The following FBN1 variants were observed in gnomAD, a reference collection of about 807,000 sequenced individuals.
The protein encoded by FBN1 is fibrillin 1.
A neutral mutation model predicts 365.1 loss-of-function variants in FBN1; 29 were observed. The observed-to-expected ratio is 0.08, with a 90% CI of 0.06 to 0.11. FBN1 has a LOEUF of 0.11. FBN1 is among the 10% of genes least tolerant of loss of function. FBN1 has a pLI of 1.00. For missense variants in FBN1, 2,476 were observed against 3,703.2 expected, an observed-to-expected ratio of 0.67 and a Z score of 8.60; for synonymous variants, 1,210 against 1,270.5, an observed-to-expected ratio of 0.95 and a Z score of 1.01.
intron 6 of FBN1, among the ~76,000 whole-genome samples, chr15:48,580,040 A>G (rs1040353759): frequency 4.6e-5 from 7 of 152,166 alleles, no homozygotes; most frequent in African/African-American, 7.2e-5. Flanking sequence ...CAGTTACTGA[A>G]GTTAAAAAAA....
chr15:48,423,197 A>G (rs2042956073), intron 60 of FBN1, among the ~76,000 whole-genome samples: 1 of 152,200 alleles, frequency 6.6e-6, no homozygotes. Context: ...TCAGGAAAAA[A>G]CATTAGTGAC....
intron 6 of FBN1, among the ~76,000 whole-genome samples, chr15:48,538,909 T>G (rs2044034752): frequency 6.6e-6 from 1 of 152,204 alleles, no homozygotes; most frequent in African/African-American, 2.4e-5. Flanking sequence ...TTTATGAAAA[T>G]CACTGGCTGT....
intron 49 of FBN1, among the ~76,000 whole-genome samples, chr15:48,442,718 G>A (rs1195041251): frequency 2.0e-5 from 3 of 152,092 alleles, no homozygotes; most frequent in Non-Finnish European, 2.9e-5. Context: ...AATTGGCTTG[G>A]GTTGGTCAAT....
intron 6 of FBN1, among the ~76,000 whole-genome samples, chr15:48,550,298 G>C (rs1485343108): frequency 1.3e-5 from 2 of 152,108 alleles, no homozygotes; most frequent in Non-Finnish European, 2.9e-5. Context: ...AAAGATGTCT[G>C]ATAGAAGCTT....
At position 48,410,864 on chromosome 15, in the gene FBN1, C is replaced by CTT. The variant is rs879588724; in HGVS notation, c.*124_*125dup. The CTT allele has an allele frequency of 1.2e-4, 121 of 981,424 alleles. No individual in the cohort carries two copies. Among genetic ancestry groups the CTT allele is most frequent in the Admixed American group, 1.0e-3 (42 of 41,244 alleles). The allele number at this position is 981,424 out of a possible 1,614,324, so 60.8% of individuals were successfully genotyped here. ...TGCTTTGGTAATACAAAGAATAGTG[C>CTT]TTATTTATACAAATTTACTTGGTGA... On this transcript the variant is annotated 3_prime_UTR_variant, in exon 66 of 66. Coordinates refer to ENST00000316623, the MANE Select transcript of FBN1 (RefSeq NM_000138.5).
intron 53 of FBN1, among the ~76,000 whole-genome samples, chr15:48,435,226 C>G (rs902902849): frequency 3.4e-4 from 52 of 152,042 alleles, no homozygotes; most frequent in African/African-American, 1.3e-3. Flanking sequence ...AATGACAGTG[C>G]CTGGACATAT....
Position 48,596,312 on chromosome 15 carries a change from T to C in FBN1, c.509A>G (p.Tyr170Cys), listed in dbSNP as rs1228647846. 1 of 1,613,928 alleles carries C rather than the reference T, an allele frequency of 6.2e-7. No homozygotes were observed. Among genetic ancestry groups the C allele is most frequent in the Non-Finnish European group, 8.5e-7 (1 of 1,179,898 alleles). Residue 170 changes from tyrosine (Y) to cysteine (C), a missense_variant, in exon 6 of 66, where the codon TAC (tyrosine) becomes TGC (cysteine). By Grantham distance (194) the Tyr-to-Cys change is radical. This residue lies in a region of FBN1 where 421 missense variants were observed against 520.1 expected (regional missense o/e 0.81). Coordinates refer to ENST00000316623, the MANE Select transcript of FBN1 (RefSeq NM_000138.5). ...CVAPNRCACT[Y>C]GFTGPQCERD... ...TTCACACTGGGGTCCAGTAAATCCG[T>C]AAGTGCATGCACATCGATTTGGGGC... is the stretch of plus-strand genomic sequence containing the variant.
chr15:48,449,211 C>T (rs183542611), intron 45 of FBN1, among the ~76,000 whole-genome samples: 1 of 152,174 alleles, frequency 6.6e-6, no homozygotes. Flanking sequence ...TACGCAGCAC[C>T]ACAGACTGTG....
intron 15 of FBN1, among the ~76,000 whole-genome samples, chr15:48,506,610 A>C (rs2043709950): frequency 2.0e-5 from 3 of 152,250 alleles, no homozygotes; most frequent in Non-Finnish European, 4.4e-5. Flanking sequence ...GGTCAAAGTT[A>C]GTGGCTTCAA....
At chr15:48,587,890 G>A (rs1267339493) in intron 6 of FBN1, among the ~76,000 whole-genome samples, 2 of 152,084 alleles carry the variant, frequency 1.3e-5, no homozygotes, top group African/African-American at 4.8e-5. Flanking sequence ...CTAAGACAGA[G>A]AACCTGAGAA....
chr15:48,495,967 T>C (rs374544999), intron 20 of FBN1, 133 bp downstream of exon 20: 2 of 1,172,722 alleles, frequency 1.7e-6, no homozygotes, highest in Admixed American at 1.8e-5. Flanking sequence ...TAGTGCCATG[T>C]AGAACCACAG....
rs749897052 is a variant in FBN1 at position 48,456,871 on chromosome 15, T to TGTGC, written c.5297-110_5297-109insGCAC. Reference sequence around the variant, plus strand: ...GTGTGTGTGTGTGTGTGTGTGTGTGTGCGTGCATGTGTTGGGGTGGTGGTG... The same window carrying TGTGC: ...GTGTGTGTGTGTGTGTGTGTGTGTGTGTGCGCGTGCATGTGTTGGGGTGGTGGTG... On this transcript the variant is annotated intron_variant, in intron 43 of 65. Transcript: ENST00000316623. The TGTGC allele has an allele frequency of 7.6e-4, 822 of 1,083,590 alleles. 1 individual carries two copies. The highest frequency in any genetic ancestry group is 2.5e-3 in the Admixed American group (144 of 56,682). 67.1% of individuals were successfully genotyped at this position (1,083,590 alleles called of 1,614,324 possible).
At chr15:48,468,613 T>G in intron 36 of FBN1, 79 bp from the exon 37 acceptor site, 1 of 1,484,658 alleles carries the variant, frequency 6.7e-7, no homozygotes, top group Non-Finnish European at 9.4e-7. Flanking sequence ...CAGGGCCCAA[T>G]CTAGAGCTCC....
chr15:48,634,313 C>T (rs995191350), intron 2 of FBN1, among the ~76,000 whole-genome samples: 3 of 152,200 alleles, frequency 2.0e-5, no homozygotes, highest in African/African-American at 4.8e-5. Flanking sequence ...TGTTTTCATA[C>T]GAATCTTTTC....
At chr15:48,600,054 G>C in intron 5 of FBN1, 85 bp downstream of exon 5, 1 of 1,002,922 alleles carries the variant, frequency 1.0e-6, no homozygotes, top group Non-Finnish European at 1.6e-6. Flanking sequence ...GGTAATCGAA[G>C]AAAATCCATC....
At position 48,425,856 on chromosome 15, in the gene FBN1, C is replaced by A. The variant is rs2141227082; in HGVS notation, c.7213G>T (p.Glu2405Ter). ...GFMTNGADID[E>*]CKVIHDVCRN... ...CAAACATCGTGAATAACCTTGCATT[C>A]ATCGATATCTGTAATTTAACAAATA... The change falls in exon 59 of 66, where the codon GAA becomes TAA. Residue 2405 changes from glutamate (E) to a stop codon, truncating the protein, a stop_gained. Coordinates refer to ENST00000316623, the MANE Select transcript of FBN1 (RefSeq NM_000138.5). LOFTEE classifies it high-confidence loss of function. The A allele has an allele frequency of 6.2e-7, 1 of 1,608,288 alleles. No homozygotes were observed. The highest frequency in any genetic ancestry group is 1.1e-5 in the South Asian group (1 of 90,828).
At chr15:48,634,814 A>G (rs2620367) in intron 2 of FBN1, among the ~76,000 whole-genome samples, 2 of 145,368 alleles carry the variant, frequency 1.4e-5, no homozygotes, top group Admixed American at 6.9e-5. Flanking sequence ...GAGAAACAGA[A>G]CCGGAAAAGG....
At chr15:48,524,820 A>G (rs926866117) in intron 9 of FBN1, among the ~76,000 whole-genome samples, 3 of 152,212 alleles carry the variant, frequency 2.0e-5, no homozygotes, top group Admixed American at 1.3e-4. Context: ...TAATTTACAT[A>G]AAACACCTCA....
At chr15:48,536,174 G>C (rs1239603208) in intron 7 of FBN1, among the ~76,000 whole-genome samples, 2 of 152,078 alleles carry the variant, frequency 1.3e-5, no homozygotes, top group Admixed American at 1.3e-4. Context: ...TCTCAAAATA[G>C]CAATATAACT....
Sources: gnomAD v4.1 joint callset for allele counts (sites outside exome capture counted in the v4.1 genomes callset) on GRCh38, gnomAD v4.1.1 for gene constraint, gnomAD v4.1.1 regional missense constraint, MANE v1.5 for transcripts, NCBI Gene and HGNC (gene_info 2026-07-23, HGNC 2026-07-21) for gene names.